Variants in ANKRD31 observed in about 807,000 individuals in gnomAD.
The protein encoded by ANKRD31 is ankyrin repeat domain-containing protein 31.
A neutral mutation model predicts 186.0 loss-of-function variants in ANKRD31; 147 were observed. That is an observed-to-expected ratio of 0.79 (90% CI 0.69 to 0.91). The LOEUF (loss-of-function observed/expected upper bound fraction) is 0.91. Among genes scored for constraint, ANKRD31 ranks in the 40% least tolerant of loss-of-function variants. The pLI is 0.00. For synonymous variants in ANKRD31, 673 were observed against 736.4 expected (o/e 0.91, Z 1.39); for missense variants, 1,986 against 2,148.8 (o/e 0.92, Z 1.50).
At chr5:75,223,427 ATTG>A (rs1757424409) in intron 2 of ANKRD31, among the ~76,000 whole-genome samples, 1 of 152,130 alleles carries the variant, frequency 6.6e-6, no homozygotes, top group South Asian at 2.1e-4. Context: ...TTCATTTTAG[ATTG>A]TTTTTTTGAA....
intron 2 of ANKRD31, among the ~76,000 whole-genome samples, chr5:75,227,917 T>C (rs761753903): frequency 2.0e-5 from 3 of 152,124 alleles, no homozygotes; most frequent in Non-Finnish European, 4.4e-5. Context: ...GGGATCAAGG[T>C]TGCACACTCC....
chr5:75,187,449 C>T (rs1362855259), intron 10 of ANKRD31, among the ~76,000 whole-genome samples: 1 of 151,138 alleles, frequency 6.6e-6, no homozygotes, highest in Non-Finnish European at 1.5e-5. Context: ...AATGTTAACA[C>T]TGGCACATTA....
At chr5:75,127,726 T>A (rs1298635358) in intron 17 of ANKRD31, among the ~76,000 whole-genome samples, 1 of 152,204 alleles carries the variant, frequency 6.6e-6, no homozygotes, top group Non-Finnish European at 1.5e-5. Flanking sequence ...TGGGTGGAAA[T>A]GACACATGAA....
chr5:75,196,211 C>A lies in ANKRD31; in HGVS notation c.448-11G>T. The A allele has an allele frequency of 7.0e-7, 1 of 1,435,952 alleles. No homozygotes were observed. The highest frequency in any genetic ancestry group is 9.1e-7 in the Non-Finnish European group (1 of 1,101,324). The allele number at this position is 1,435,952 out of a possible 1,614,324, so 89.0% of individuals were successfully genotyped here. A position where few individuals can be genotyped will look rare whatever the true frequency, so the allele number is the denominator to read the frequency against. On this transcript the variant is annotated splice_polypyrimidine_tract_variant and intron_variant, in intron 6 of 25. Coordinates refer to ENST00000506364, the MANE Select transcript of ANKRD31 (RefSeq NM_001372053.1). ...GCCTTCACTTAGTTCCTGTGTATTA[C>A]AAATAGAAATTACATCATTACAGCA...
chr5:75,176,162 G>A (rs1179155160), intron 10 of ANKRD31, among the ~76,000 whole-genome samples: 1 of 152,178 alleles, frequency 6.6e-6, no homozygotes, highest in Non-Finnish European at 1.5e-5. Flanking sequence ...AGATCAAACT[G>A]CAAGGTGGCA....
chr5:75,230,560 A>G lies in ANKRD31; in HGVS notation c.178+2T>C, dbSNP rs1269046497. 1 of 1,533,888 alleles carries G rather than the reference A, an allele frequency of 6.5e-7. No individual in the cohort carries two copies. The highest frequency in any genetic ancestry group is 2.5e-5 in the East Asian group (1 of 40,790). On this transcript the variant is annotated splice_donor_variant, in intron 2 of 25. Coordinates refer to ENST00000506364, the MANE Select transcript of ANKRD31 (RefSeq NM_001372053.1). LOFTEE classifies it high-confidence loss of function. ...CTACTTAATGAAAAGAATCATTCTC[A>G]CCTTTGCACATTCCTCTTGTATCAG...
In ANKRD31 at chr5:75,129,930, C is replaced by T. The variant is rs182723947; in HGVS notation, c.3876+7926G>A. On this transcript the variant is annotated intron_variant, in intron 17 of 25. Transcript: ENST00000506364. ...ACCTGGAAAATCGGGACACTCCTAC[C>T]CTAATACTGAGCTTTTCCAGTGGTC... 6.4e-4 allele frequency among the ~76,000 whole-genome samples: 98 copies of T among 152,296 alleles called. No homozygotes were observed. In the East Asian group the frequency reaches 0.018, roughly 28 times the overall value.
chr5:75,172,161 T>C lies in ANKRD31; in HGVS notation c.1565-3040A>G, dbSNP rs150468849. 8.8e-3 allele frequency among the ~76,000 whole-genome samples: 1,342 copies of C among 151,992 alleles called. 8 individuals are homozygous for C. Among genetic ancestry groups the C allele is most frequent in the Admixed American group, 0.014 (215 of 15,222 alleles). Reference sequence around the variant, plus strand: ...ATGAACATAGATGCAAAAACCCTTATTATAGCAAATCGAATCCAGCCATAT... The same window carrying C: ...ATGAACATAGATGCAAAAACCCTTACTATAGCAAATCGAATCCAGCCATAT... On this transcript the variant is annotated intron_variant, in intron 10 of 25. Coordinates refer to ENST00000506364, the MANE Select transcript of ANKRD31 (RefSeq NM_001372053.1).
Position 75,192,792 on chromosome 5 carries a change from AT to A in ANKRD31, c.1299-17del, listed in dbSNP as rs1561523602. 3 of 1,494,106 alleles carry A rather than the reference AT, an allele frequency of 2.0e-6. No individual in the cohort carries two copies. Among genetic ancestry groups the A allele is most frequent in the Admixed American group, 4.2e-5 (2 of 47,552 alleles). 92.6% of individuals were successfully genotyped at this position (1,494,106 alleles called of 1,614,324 possible). ...ATCCTGCATTCTTGAAAAACAACGT[AT>A]TTTTTAAATGGCTATAACGGTTTTT... is the stretch of plus-strand genomic sequence containing the variant. On this transcript the variant is annotated splice_polypyrimidine_tract_variant and intron_variant, in intron 8 of 25. Coordinates refer to ENST00000506364, the MANE Select transcript of ANKRD31 (RefSeq NM_001372053.1).
chr5:75,226,598 T>C (rs111735663), intron 2 of ANKRD31, among the ~76,000 whole-genome samples: 2 of 152,130 alleles, frequency 1.3e-5, no homozygotes, highest in Non-Finnish European at 2.9e-5. Context: ...GATTTTAAAA[T>C]GGGCAAAAGA....
In ANKRD31 at chr5:75,068,365, A is replaced by G. The variant is rs943540439; in HGVS notation, c.*154T>C. On this transcript the variant is annotated 3_prime_UTR_variant, in exon 26 of 26. Transcript: ENST00000506364. ...CATTAATCTTATATAATTGTTGAACAGTTACATACATCTTAAGAACAGTAA... is the reference window on the plus strand; with the variant it reads ...CATTAATCTTATATAATTGTTGAACGGTTACATACATCTTAAGAACAGTAA... 1.0e-4 allele frequency: 64 copies of G among 626,158 alleles called. No homozygotes were observed. In the African/African-American group the frequency reaches 1.1e-3, roughly 11 times the overall value. 38.8% of individuals were successfully genotyped at this position (626,158 alleles called of 1,614,324 possible).
chr5:75,084,565 T>C (rs1200646211), intron 23 of ANKRD31, among the ~76,000 whole-genome samples, 191 bp from the exon 24 acceptor site: 1 of 152,218 alleles, frequency 6.6e-6, no homozygotes, highest in Non-Finnish European at 1.5e-5. Flanking sequence ...AAAACAGTGA[T>C]GCTCATTCAT....
At chr5:75,089,942 A>T (rs1013455844) in intron 23 of ANKRD31, among the ~76,000 whole-genome samples, 1 of 152,226 alleles carries the variant, frequency 6.6e-6, no homozygotes, top group Non-Finnish European at 1.5e-5. Flanking sequence ...AGGAAATAAC[A>T]GTAGTTCTAA....
At chr5:75,124,906 G>A (rs1749103946) in intron 17 of ANKRD31, among the ~76,000 whole-genome samples, 1 of 152,030 alleles carries the variant, frequency 6.6e-6, no homozygotes, top group Non-Finnish European at 1.5e-5. Flanking sequence ...TAAAAGCCCA[G>A]AATTTATCCC....
intron 12 of ANKRD31, among the ~76,000 whole-genome samples, chr5:75,151,677 T>C (rs545910618): frequency 3.3e-5 from 5 of 152,182 alleles, no homozygotes; most frequent in Middle Eastern, 3.4e-3. Flanking sequence ...AATACAGAGA[T>C]GTACTTTAAA....
chr5:75,111,854 G>T (rs1324790209), intron 20 of ANKRD31, among the ~76,000 whole-genome samples: 1 of 152,136 alleles, frequency 6.6e-6, no homozygotes, highest in Non-Finnish European at 1.5e-5. Context: ...TGTTACATAT[G>T]CTCTTCTGAA....
chr5:75,093,674 G>A (rs1451186744), intron 22 of ANKRD31, among the ~76,000 whole-genome samples: 2 of 152,042 alleles, frequency 1.3e-5, no homozygotes, highest in Admixed American at 6.5e-5. Flanking sequence ...CATTTACAAG[G>A]GAAACTCAAG....
chr5:75,207,664 T>A (rs1258150745), intron 4 of ANKRD31, among the ~76,000 whole-genome samples: 5 of 151,962 alleles, frequency 3.3e-5, no homozygotes, highest in African/African-American at 1.2e-4. Context: ...TACAAAACTA[T>A]CTGCAAGATG....
chr5:75,160,403 A>G (rs1238586060), intron 11 of ANKRD31, among the ~76,000 whole-genome samples: 1 of 152,194 alleles, frequency 6.6e-6, no homozygotes, highest in Non-Finnish European at 1.5e-5. Flanking sequence ...ATGTAAAAAG[A>G]AAAGCAGTAT....
Sources: gnomAD v4.1 joint callset for allele counts (sites outside exome capture counted in the v4.1 genomes callset) on GRCh38, gnomAD v4.1.1 for gene constraint, MANE v1.5 for transcripts, NCBI Gene and HGNC (gene_info 2026-07-23, HGNC 2026-07-21) for gene names.